Variants in ATP6V1H observed in about 807,000 individuals in gnomAD.
ATP6V1H encodes V-type proton ATPase subunit H.
ATP6V1H carries 39 observed loss-of-function variants against 71.7 expected under a neutral mutation model. The observed-to-expected ratio is 0.54, with a 90% CI of 0.42 to 0.71. ATP6V1H has a LOEUF of 0.71. ATP6V1H is among the 30% of genes least tolerant of loss of function. The probability of loss-of-function intolerance (pLI) is 0.00; values close to 1 mark genes in which losing one functional copy is unlikely to be tolerated. For synonymous variants in ATP6V1H, 192 were observed against 199.3 expected, an observed-to-expected ratio of 0.96 and a Z score of 0.31; for missense variants, 509 against 594.9, an observed-to-expected ratio of 0.86 and a Z score of 1.50.
chr8:53,786,538 C>T (rs2130383190), intron 9 of ATP6V1H, among the ~76,000 whole-genome samples: 1 of 152,314 alleles, frequency 6.6e-6, no homozygotes, highest in African/African-American at 2.4e-5. Flanking sequence ...GCGCTGCACA[C>T]ACTGTCTGGC....
chr8:53,828,940 T>C (rs1810908102), intron 4 of ATP6V1H, among the ~76,000 whole-genome samples: 1 of 152,154 alleles, frequency 6.6e-6, no homozygotes, highest in Admixed American at 6.5e-5. Flanking sequence ...CTCTCCTTTA[T>C]TCATAATTGG....
At chr8:53,796,588 A>G (rs1467531978) in intron 8 of ATP6V1H, among the ~76,000 whole-genome samples, 1 of 152,184 alleles carries the variant, frequency 6.6e-6, no homozygotes, top group African/African-American at 2.4e-5. Flanking sequence ...TACCATTTAA[A>G]AAGAAAAAAA....
intron 13 of ATP6V1H, among the ~76,000 whole-genome samples, chr8:53,724,036 A>T (rs1429388918): frequency 6.6e-6 from 1 of 152,258 alleles, no homozygotes; most frequent in Non-Finnish European, 1.5e-5. Context: ...AAGCTAACAA[A>T]AGTAGTATAA....
chr8:53,779,971 C>CA (rs2130356013), intron 9 of ATP6V1H, among the ~76,000 whole-genome samples: 1 of 151,968 alleles, frequency 6.6e-6, no homozygotes, highest in South Asian at 2.1e-4. Context: ...CCAGCCTGGC[C>CA]AACACAGTGA....
At chr8:53,801,510 C>T (rs1809907727) in intron 8 of ATP6V1H, among the ~76,000 whole-genome samples, 1 of 152,084 alleles carries the variant, frequency 6.6e-6, no homozygotes. Flanking sequence ...TTTTTGCCTA[C>T]ATTCATCATC....
intron 12 of ATP6V1H, among the ~76,000 whole-genome samples, chr8:53,747,583 A>C (rs1807652171): frequency 6.8e-6 from 1 of 146,420 alleles, no homozygotes; most frequent in South Asian, 2.1e-4. Flanking sequence ...TCCATTGCCC[A>C]GGCTGGAGTG....
chr8:53,821,911 C>T (rs1810676153), intron 4 of ATP6V1H, among the ~76,000 whole-genome samples: 1 of 151,998 alleles, frequency 6.6e-6, no homozygotes, highest in Non-Finnish European at 1.5e-5. Flanking sequence ...AATTAAATAT[C>T]CTCAAACATC....
At chr8:53,814,117 T>C (rs1222920215) in intron 6 of ATP6V1H, among the ~76,000 whole-genome samples, 1 of 152,170 alleles carries the variant, frequency 6.6e-6, no homozygotes, top group Non-Finnish European at 1.5e-5. Flanking sequence ...TGTAATCGGT[T>C]AGACAGCTTA....
At chr8:53,787,039 A>G (rs990671255) in intron 9 of ATP6V1H, among the ~76,000 whole-genome samples, 3 of 152,258 alleles carry the variant, frequency 2.0e-5, no homozygotes, top group African/African-American at 4.8e-5. Flanking sequence ...AATTCAATAA[A>G]TCATTATTCT....
intron 9 of ATP6V1H, 128 bp from the exon 10 acceptor site, chr8:53,772,295 G>A: frequency 1.4e-6 from 1 of 708,302 alleles, no homozygotes; most frequent in East Asian, 2.7e-5. Context: ...CCTTTAAGTG[G>A]ATGACTCTAT....
At chr8:53,753,385 G>A (rs1807870856) in intron 12 of ATP6V1H, among the ~76,000 whole-genome samples, 1 of 152,220 alleles carries the variant, frequency 6.6e-6, no homozygotes, top group Admixed American at 6.5e-5. Context: ...ACAGCATGAT[G>A]GGAGAGATCA....
intron 9 of ATP6V1H, among the ~76,000 whole-genome samples, chr8:53,784,766 G>A (rs533573625): frequency 6.6e-6 from 1 of 152,180 alleles, no homozygotes; most frequent in African/African-American, 2.4e-5. Context: ...TTGCTTGTCT[G>A]TAAATGATTT....
intron 4 of ATP6V1H, among the ~76,000 whole-genome samples, chr8:53,822,940 C>T (rs1028259722): frequency 2.0e-5 from 3 of 151,992 alleles, no homozygotes; most frequent in African/African-American, 7.2e-5. Context: ...AGATATAACA[C>T]TAATGTGTAT....
In ATP6V1H at chr8:53,801,695, GA is replaced by G. The variant is rs958050552; in HGVS notation, c.677+103del. The G allele has an allele frequency of 2.5e-5, 25 of 984,506 alleles. No homozygotes were observed. In the African/African-American group the frequency reaches 3.5e-4, roughly 14 times the overall value. The allele number at this position is 984,506 out of a possible 1,614,324, so 61.0% of individuals were successfully genotyped here. On this transcript the variant is annotated intron_variant, in intron 8 of 13. Coordinates refer to ENST00000359530, the MANE Select transcript of ATP6V1H (RefSeq NM_015941.4). ...GCATAGTCAATTGTTAAACAGATAT[GA>G]AAAAAATAAAATATTTCTTTTAGAT...
chr8:53,781,012 T>A (rs1375983631), intron 9 of ATP6V1H, among the ~76,000 whole-genome samples: 1 of 152,228 alleles, frequency 6.6e-6, no homozygotes, highest in Non-Finnish European at 1.5e-5. Context: ...CGTGTGCATG[T>A]GTCTTTATAG....
chr8:53,837,139 C>G (rs551385390), intron 2 of ATP6V1H, among the ~76,000 whole-genome samples: 5 of 150,318 alleles, frequency 3.3e-5, no homozygotes, highest in Non-Finnish European at 7.4e-5. Context: ...GAAACTCCAT[C>G]TCATAAAAAA....
chr8:53,799,657 G>C (rs1296113280), intron 8 of ATP6V1H, among the ~76,000 whole-genome samples: 1 of 152,108 alleles, frequency 6.6e-6, no homozygotes, highest in East Asian at 1.9e-4. Flanking sequence ...AAATGTCTGT[G>C]TCCCTCCAAA....
chr8:53,756,512 G>A lies in ATP6V1H; in HGVS notation c.1277+43C>T, dbSNP rs367634943. The A allele has an allele frequency of 6.8e-6, 10 of 1,478,636 alleles. No homozygotes were observed. In the African/African-American group the frequency reaches 8.3e-5, roughly 12 times the overall value. 91.6% of individuals were successfully genotyped at this position (1,478,636 alleles called of 1,614,324 possible). ...AGTACATTATTTAGGACTCTACACT[G>A]AAGGTTTCAAGAAACCAAATGAAAT... On this transcript the variant is annotated intron_variant, in intron 12 of 13. Transcript: ENST00000359530.
chr8:53,780,980 G>C (rs896066912), intron 9 of ATP6V1H, among the ~76,000 whole-genome samples: 1 of 152,194 alleles, frequency 6.6e-6, no homozygotes, highest in African/African-American at 2.4e-5. Flanking sequence ...TTGCTATTGT[G>C]AATAGAGCTG....
Sources: allele counts gnomAD v4.1 joint callset (sites outside exome capture counted in the v4.1 genomes callset), GRCh38; gene constraint gnomAD v4.1.1; transcripts MANE v1.5; gene names NCBI Gene and HGNC (gene_info 2026-07-23, HGNC 2026-07-21).